Variants in HCRTR2 observed in about 807,000 individuals in gnomAD.
HCRTR2 encodes orexin receptor type 2.
In HCRTR2, 22 loss-of-function variants were observed where a neutral mutation model predicts 49.0. That is an observed-to-expected ratio of 0.45 (90% CI 0.32 to 0.64). The LOEUF is 0.64. HCRTR2 is among the 30% of genes least tolerant of loss of function. The pLI is 0.04. For synonymous variants in HCRTR2, 236 were observed against 205.3 expected (o/e 1.15, Z -1.28); for missense variants, 491 against 559.4 (o/e 0.88, Z 1.23).
intron 3 of HCRTR2, among the ~76,000 whole-genome samples, chr6:55,263,496 T>C (rs1766806139): frequency 6.6e-6 from 1 of 152,118 alleles, no homozygotes; most frequent in Admixed American, 6.6e-5. Context: ...TAAGTGAAAT[T>C]ACGACTTCAC....
chr6:55,276,982 G>C (rs2127331249), intron 4 of HCRTR2, among the ~76,000 whole-genome samples: 1 of 152,302 alleles, frequency 6.6e-6, no homozygotes, highest in Non-Finnish European at 1.5e-5. Context: ...CAGGTTGCTT[G>C]ACGTTACTTG....
chr6:55,208,255 A>C (rs1311247991), intron 1 of HCRTR2, among the ~76,000 whole-genome samples: 1 of 151,502 alleles, frequency 6.6e-6, no homozygotes, highest in African/African-American at 2.4e-5. Context: ...CTGGTGGATC[A>C]CTTGAGGTCA....
At chr6:55,184,387 T>G (rs184198269) in intron 1 of HCRTR2, among the ~76,000 whole-genome samples, 3 of 152,358 alleles carry the variant, frequency 2.0e-5, no homozygotes, top group Admixed American at 2.0e-4. Context: ...AATGCATCAC[T>G]GTACTCCTAG....
At chr6:55,130,812 G>T (rs1189576000) in intron 1 of HCRTR2, among the ~76,000 whole-genome samples, 1 of 151,732 alleles carries the variant, frequency 6.6e-6, no homozygotes, top group Admixed American at 6.6e-5. Flanking sequence ...CATATACACA[G>T]AAATGACTTG....
chr6:55,161,285 T>A (rs1212005326), intron 1 of HCRTR2, among the ~76,000 whole-genome samples: 1 of 151,954 alleles, frequency 6.6e-6, no homozygotes, highest in Non-Finnish European at 1.5e-5. Flanking sequence ...TTGAAACCAA[T>A]GAGAACAAAG....
chr6:55,146,808 A>C (rs1276870492), intron 1 of HCRTR2, among the ~76,000 whole-genome samples: 1 of 152,142 alleles, frequency 6.6e-6, no homozygotes, highest in African/African-American at 2.4e-5. Context: ...AGTGGGGCCC[A>C]TGATGTTTCT....
intron 4 of HCRTR2, among the ~76,000 whole-genome samples, chr6:55,264,486 A>G (rs1766826820): frequency 6.6e-6 from 1 of 152,092 alleles, no homozygotes; most frequent in African/African-American, 2.4e-5. Context: ...TAAAAATTCT[A>G]CTTTTTGCCA....
chr6:55,113,957 C>G (rs548464555), intron 1 of HCRTR2, among the ~76,000 whole-genome samples: 1 of 151,682 alleles, frequency 6.6e-6, no homozygotes, highest in Non-Finnish European at 1.5e-5. Flanking sequence ...TACTACTCAG[C>G]CATAAAAAGG....
At chr6:55,159,577 C>T (rs181669810) in intron 1 of HCRTR2, among the ~76,000 whole-genome samples, 6 of 152,230 alleles carry the variant, frequency 3.9e-5, no homozygotes, top group African/African-American at 1.4e-4. Flanking sequence ...TGCAAGGAAG[C>T]TAAGAACCTT....
At chr6:55,107,006 T>C (rs1763983797) in intron 1 of HCRTR2, among the ~76,000 whole-genome samples, 1 of 152,166 alleles carries the variant, frequency 6.6e-6, no homozygotes, top group Non-Finnish European at 1.5e-5. Flanking sequence ...CCAAGGTGAT[T>C]GTAAGTGATT....
At chr6:55,177,013 T>C (rs7738215) in intron 1 of HCRTR2, among the ~76,000 whole-genome samples, 92,244 of 152,008 alleles carry the variant, frequency 0.61, 28,107 homozygotes, top group East Asian at 0.68. Context: ...TTACCTTGCA[T>C]AGACCTTGTA....
At chr6:55,247,233 C>T (rs888876530) in intron 1 of HCRTR2, among the ~76,000 whole-genome samples, 4 of 151,910 alleles carry the variant, frequency 2.6e-5, no homozygotes, top group Non-Finnish European at 5.9e-5. Flanking sequence ...TACAGTTACC[C>T]TGATTAAGGT....
intron 1 of HCRTR2, among the ~76,000 whole-genome samples, chr6:55,168,074 G>T (rs545495674): frequency 1.3e-5 from 2 of 152,234 alleles, no homozygotes; most frequent in Admixed American, 6.5e-5. Flanking sequence ...TTGAGTTCAG[G>T]CCTGATCAAC....
intron 1 of HCRTR2, among the ~76,000 whole-genome samples, chr6:55,245,470 TA>T (rs1176767512): frequency 3.3e-4 from 10 of 30,128 alleles, no homozygotes; most frequent in African/African-American, 2.0e-3. Context: ...AGGAAGATTT[TA>T]TATATATATA....
intron 1 of HCRTR2, among the ~76,000 whole-genome samples, chr6:55,154,706 A>G (rs1764707699): frequency 6.9e-6 from 1 of 145,852 alleles, no homozygotes; most frequent in Admixed American, 6.9e-5. Context: ...ATAGATAAAT[A>G]AATAAATAAA....
intron 1 of HCRTR2, among the ~76,000 whole-genome samples, chr6:55,162,289 C>A (rs1176024847): frequency 1.3e-5 from 2 of 152,090 alleles, no homozygotes; most frequent in African/African-American, 4.8e-5. Flanking sequence ...ATTTAACAGC[C>A]CTTCATGCTA....
At chr6:55,193,679 T>G (rs1360123172) in intron 1 of HCRTR2, among the ~76,000 whole-genome samples, 1 of 152,154 alleles carries the variant, frequency 6.6e-6, no homozygotes, top group Non-Finnish European at 1.5e-5. Flanking sequence ...ATCAAAATAC[T>G]GTCTCCACAT....
intron 1 of HCRTR2, among the ~76,000 whole-genome samples, chr6:55,247,997 A>G (rs1455435721): frequency 1.3e-5 from 2 of 152,094 alleles, no homozygotes; most frequent in Admixed American, 6.6e-5. Context: ...TTGTGAGCCC[A>G]TATGTCCTCA....
intron 1 of HCRTR2, among the ~76,000 whole-genome samples, chr6:55,209,813 G>C (rs945625371): frequency 4.6e-5 from 7 of 151,940 alleles, no homozygotes; most frequent in African/African-American, 1.7e-4. Flanking sequence ...GAAATGATCT[G>C]CTTTTTGTTT....
Sources: allele counts gnomAD v4.1 joint callset (sites outside exome capture counted in the v4.1 genomes callset), GRCh38; gene constraint gnomAD v4.1.1; transcripts MANE v1.5; gene names NCBI Gene and HGNC (gene_info 2026-07-23, HGNC 2026-07-21).